C3orf20: variants seen among roughly 807,000 people sequenced by gnomAD.
The protein encoded by C3orf20 is family with sequence similarity 149 member C.
Under a neutral mutation model 88.3 loss-of-function variants are expected in C3orf20, and 76 were observed. That is an observed-to-expected ratio of 0.86 (90% CI 0.72 to 1.04). The LOEUF is 1.04. C3orf20 is among the 50% of genes least tolerant of loss of function. The pLI is 0.00. For missense variants in C3orf20, 1,056 were observed against 1,123.3 expected (o/e 0.94, Z 0.86); for synonymous variants, 436 against 437.4 (o/e 1.00, Z 0.04).
intron 4 of C3orf20, among the ~76,000 whole-genome samples, chr3:14,686,076 G>A (rs2032413081): frequency 6.6e-6 from 1 of 152,018 alleles, no homozygotes; most frequent in African/African-American, 2.4e-5. Context: ...TGGCCAGGAT[G>A]GTCTCGATCT....
At chr3:14,715,052 C>G (rs2033888777) in intron 8 of C3orf20, among the ~76,000 whole-genome samples, 1 of 152,222 alleles carries the variant, frequency 6.6e-6, no homozygotes, top group Admixed American at 6.5e-5. Context: ...ATTTCTTCCC[C>G]TTCTGGGTTT....
intron 12 of C3orf20, among the ~76,000 whole-genome samples, chr3:14,751,729 CA>C (rs2035224779): frequency 6.6e-6 from 1 of 152,094 alleles, no homozygotes; most frequent in African/African-American, 2.4e-5. Context: ...CTCCCATTCA[CA>C]ATTACTACCA....
chr3:14,730,503 T>C (rs1214367036), intron 12 of C3orf20, among the ~76,000 whole-genome samples: 3 of 152,082 alleles, frequency 2.0e-5, no homozygotes, highest in Non-Finnish European at 4.4e-5. Context: ...GCCGAGATCC[T>C]GCCACTGCAC....
chr3:14,692,182 A>G (rs2032767130), intron 5 of C3orf20, among the ~76,000 whole-genome samples: 1 of 152,238 alleles, frequency 6.6e-6, no homozygotes, highest in Admixed American at 6.5e-5. Context: ...ACTCTTGGCC[A>G]TTATGAGTGG....
At chr3:14,705,474 AG>A (rs1239539341) in intron 7 of C3orf20, among the ~76,000 whole-genome samples, 1 of 152,236 alleles carries the variant, frequency 6.6e-6, no homozygotes, top group Non-Finnish European at 1.5e-5. Flanking sequence ...CAGATAATGA[AG>A]TTAATAGACC....
At chr3:14,757,102 G>A (rs1305926995) in intron 12 of C3orf20, among the ~76,000 whole-genome samples, 1 of 152,216 alleles carries the variant, frequency 6.6e-6, no homozygotes, top group Non-Finnish European at 1.5e-5. Context: ...TGTGTTCGGT[G>A]TGAGAGAAGG....
At chr3:14,679,773 T>C (rs1286385074) in intron 1 of C3orf20, among the ~76,000 whole-genome samples, 2 of 152,208 alleles carry the variant, frequency 1.3e-5, no homozygotes, top group Non-Finnish European at 2.9e-5. Context: ...CCTCTGAGTT[T>C]GGAAGAGATG....
Position 14,682,980 on chromosome 3 carries a change from C to G in C3orf20, c.267C>G (p.Pro89=). The change falls in exon 3 of 17, where the codon CCC becomes CCG. Residue 89 remains proline, a synonymous_variant. Coordinates refer to ENST00000253697, the MANE Select transcript of C3orf20 (RefSeq NM_032137.5). ...VLMEPTFVQV[P]TLKKPLPPPP... is the part of the protein sequence containing the mutation. ...TGGAACCCACCTTTGTGCAGGTCCC[C>G]ACACTGAAGAAGCCACTACCTCCAC... The G allele has an allele frequency of 6.2e-7, 1 of 1,613,884 alleles. No individual in the cohort carries two copies. The highest frequency in any genetic ancestry group is 1.1e-5 in the South Asian group (1 of 91,068).
At chr3:14,680,548 A>G (rs570447225) in intron 1 of C3orf20, among the ~76,000 whole-genome samples, 2 of 152,302 alleles carry the variant, frequency 1.3e-5, no homozygotes, top group Admixed American at 1.3e-4. Context: ...GGGGCAATAG[A>G]ATGTTCTAAA....
At chr3:14,677,337 C>T (rs2031825738) in intron 1 of C3orf20, among the ~76,000 whole-genome samples, 2 of 152,134 alleles carry the variant, frequency 1.3e-5, no homozygotes, top group African/African-American at 4.8e-5. Context: ...CCTCAGCTGC[C>T]TTCTGGCCGG....
chr3:14,723,901 C>CTGCA (rs1370309236), intron 10 of C3orf20, among the ~76,000 whole-genome samples: 2 of 152,090 alleles, frequency 1.3e-5, no homozygotes, highest in Non-Finnish European at 2.9e-5. Context: ...TCTTGGCTCA[C>CTGCA]TGCAGCCTCC....
intron 4 of C3orf20, among the ~76,000 whole-genome samples, chr3:14,685,482 G>C (rs56024652): frequency 0.43 from 61,705 of 143,464 alleles, 13,489 homozygotes; most frequent in African/African-American, 0.48. Context: ...CTCTCTCTCT[G>C]TGCGTGCGTG....
At chr3:14,722,310 A>G (rs567271863) in intron 10 of C3orf20, 8 of 372,162 alleles carry the variant, frequency 2.1e-5, no homozygotes, top group African/African-American at 1.5e-4. Flanking sequence ...CATTGGCTCT[A>G]TTAACTGCCC....
At chr3:14,726,828 T>C in intron 10 of C3orf20, 73 bp from the exon 11 acceptor site, 1 of 1,602,510 alleles carries the variant, frequency 6.2e-7, no homozygotes, top group Non-Finnish European at 8.5e-7. Context: ...GAGCAAGTCT[T>C]AGTTATCCTG....
intron 10 of C3orf20, 124 bp from the exon 11 acceptor site, chr3:14,726,775 AGG>A (rs1376477236): frequency 2.3e-6 from 3 of 1,299,472 alleles, no homozygotes; most frequent in Non-Finnish European, 3.2e-6. Context: ...GGTGTGTTCC[AGG>A]TAGGGGTAGG....
At chr3:14,695,842 T>G (rs2032970689) in intron 5 of C3orf20, among the ~76,000 whole-genome samples, 1 of 152,164 alleles carries the variant, frequency 6.6e-6, no homozygotes, top group Non-Finnish European at 1.5e-5. Context: ...TGTAACATCT[T>G]TTTTTCGTTC....
intron 7 of C3orf20, among the ~76,000 whole-genome samples, chr3:14,711,323 T>G (rs1376816114): frequency 6.6e-6 from 1 of 152,194 alleles, no homozygotes; most frequent in Non-Finnish European, 1.5e-5. Flanking sequence ...GTTTTTAAAT[T>G]TATATATATT....
intron 5 of C3orf20, among the ~76,000 whole-genome samples, chr3:14,700,064 C>T (rs1464584986): frequency 2.6e-5 from 4 of 152,212 alleles, no homozygotes. Context: ...GTCTGACAAT[C>T]ACTGTACTCT....
At chr3:14,756,028 CAAAAAA>C (rs56242160) in intron 12 of C3orf20, among the ~76,000 whole-genome samples, 1 of 72,732 alleles carries the variant, frequency 1.4e-5, no homozygotes, top group Non-Finnish European at 2.6e-5. Flanking sequence ...GACTCCATCT[CAAAAAA>C]AAAAAAAAAA....
Sources: gnomAD v4.1 joint callset for allele counts (sites outside exome capture counted in the v4.1 genomes callset) on GRCh38, gnomAD v4.1.1 for gene constraint, MANE v1.5 for transcripts, NCBI Gene and HGNC (gene_info 2026-07-23, HGNC 2026-07-21) for gene names.